Variants in WDR64 observed in about 807,000 individuals in gnomAD.
WDR64 encodes the protein WD repeat-containing protein 64.
In WDR64, 112 loss-of-function variants were observed where a neutral mutation model predicts 139.3. The ratio of observed to expected loss-of-function variants is 0.80; its 90% CI spans 0.69 to 0.94. WDR64 has a LOEUF of 0.94. Among genes scored for constraint, WDR64 ranks in the 40% least tolerant of loss-of-function variants. The pLI is 0.00. For missense variants in WDR64, 1,206 were observed against 1,293.1 expected (o/e 0.93, Z 1.03); for synonymous variants, 444 against 437.7 (o/e 1.01, Z -0.18).
intron 9 of WDR64, among the ~76,000 whole-genome samples, chr1:241,713,410 GA>G (rs1668264831): frequency 9.1e-6 from 1 of 109,840 alleles, no homozygotes; most frequent in African/African-American, 3.2e-5. Context: ...AGGGAGGGAG[GA>G]AGGGAAGGAA....
chr1:241,657,507 C>G (rs1665654608), intron 1 of WDR64, among the ~76,000 whole-genome samples: 1 of 152,154 alleles, frequency 6.6e-6, no homozygotes, highest in South Asian at 2.1e-4. Flanking sequence ...ACCTACTGAC[C>G]TTCTTGGAAC....
At chr1:241,671,704 G>T (rs958289854) in intron 3 of WDR64, among the ~76,000 whole-genome samples, 1 of 152,082 alleles carries the variant, frequency 6.6e-6, no homozygotes, top group African/African-American at 2.4e-5. Flanking sequence ...CTTTGAGCCT[G>T]GGACCCAGGA....
chr1:241,739,670 C>T (rs1191950472), intron 11 of WDR64, among the ~76,000 whole-genome samples: 1 of 152,124 alleles, frequency 6.6e-6, no homozygotes, highest in Non-Finnish European at 1.5e-5. Context: ...TCACTAAGGA[C>T]TCAAATAGTA....
Position 241,656,959 on chromosome 1 carries a change from C to T in WDR64, c.146-3571C>T, listed in dbSNP as rs927166173. Among the ~76,000 whole-genome samples, 2 of 150,796 alleles carry T rather than the reference C, an allele frequency of 1.3e-5. No individual in the cohort carries two copies. Among genetic ancestry groups the T allele is most frequent in the Non-Finnish European group, 2.9e-5 (2 of 67,828 alleles). ...TGCAAAATCTCCCCTGCATAAGAAC[C>T]ACTGCTCTAGATTCCTGCCTTTCCT... On this transcript the variant is annotated intron_variant, in intron 1 of 27. Transcript: ENST00000437684. The surrounding 1 kb of genome is among the most constrained non-coding windows in gnomAD (Gnocchi z 4.3).
At chr1:241,699,716 A>G (rs1667636061) in intron 8 of WDR64, among the ~76,000 whole-genome samples, 1 of 152,212 alleles carries the variant, frequency 6.6e-6, no homozygotes, top group Non-Finnish European at 1.5e-5. Context: ...CAGAAGTGGT[A>G]TTCACAAAGA....
intron 15 of WDR64, among the ~76,000 whole-genome samples, chr1:241,761,028 T>A (rs1239156227): frequency 6.6e-6 from 1 of 152,100 alleles, no homozygotes; most frequent in Admixed American, 6.6e-5. Context: ...ATCCTAGACA[T>A]TATCAAACTC....
intron 21 of WDR64, among the ~76,000 whole-genome samples, chr1:241,776,460 G>A (rs751093065): frequency 3.3e-5 from 5 of 152,068 alleles, no homozygotes; most frequent in Non-Finnish European, 7.4e-5. Context: ...GATAATAATT[G>A]TCTATATTTG....
chr1:241,722,710 G>A (rs1668654955), intron 9 of WDR64, among the ~76,000 whole-genome samples: 1 of 152,078 alleles, frequency 6.6e-6, no homozygotes, highest in Non-Finnish European at 1.5e-5. Flanking sequence ...TAGAGATTAT[G>A]GAGGAAAAGA....
intron 15 of WDR64, among the ~76,000 whole-genome samples, 160 bp from the exon 16 acceptor site, chr1:241,766,058 G>T (rs1658150794): frequency 6.6e-6 from 1 of 151,996 alleles, no homozygotes; most frequent in Non-Finnish European, 1.5e-5. Flanking sequence ...TTTAGTGCAA[G>T]AAAAATAAGA....
intron 21 of WDR64, among the ~76,000 whole-genome samples, chr1:241,778,412 A>G (rs1002377589): frequency 6.6e-6 from 1 of 152,142 alleles, no homozygotes; most frequent in African/African-American, 2.4e-5. Flanking sequence ...AGGTTTTTAT[A>G]CACAACATAC....
chr1:241,762,883 A>G (rs1657986012), intron 15 of WDR64, among the ~76,000 whole-genome samples: 1 of 152,202 alleles, frequency 6.6e-6, no homozygotes, highest in African/African-American at 2.4e-5. Context: ...ATTGAAACAA[A>G]TGTCAGTTTG....
intron 23 of WDR64, among the ~76,000 whole-genome samples, chr1:241,784,953 G>GGAAAAAAAAAAAAAAAAAAAAAAAAA (rs766802128): frequency 1.6e-5 from 1 of 62,250 alleles, no homozygotes; most frequent in African/African-American, 5.4e-5. Flanking sequence ...GACTCTGTCT[G>GGAAAAAAAAAAAAAAAAAAAAAAAAA]AAAAAAAAAA....
rs867483160 is a variant in WDR64 at position 241,794,595 on chromosome 1, G to C, written c.2998-612G>C. ...GTGATCTCGGCTCATTGCAACCTCC[G>C]CCTCCTAGGTTCAAGTGATTCTTCT... On this transcript the variant is annotated intron_variant, in intron 25 of 27. Coordinates refer to ENST00000437684, the MANE Select transcript of WDR64 (RefSeq NM_001367482.1). Among the ~76,000 whole-genome samples the C allele has an allele frequency of 4.3e-4, 56 of 129,840 alleles. 1 individual carries two copies. The allele number at this position is 129,840 out of a possible 152,430, so 85.2% of individuals were successfully genotyped here. A position where few individuals can be genotyped will look rare whatever the true frequency, so the allele number is the denominator to read the frequency against.
At chr1:241,780,094 G>A (rs552107851) in intron 22 of WDR64, 32 bp downstream of exon 22, 28 of 1,526,834 alleles carry the variant, frequency 1.8e-5, no homozygotes, top group African/African-American at 1.3e-4. Context: ...TTTAATTTAT[G>A]AGTCAGCATA....
intron 3 of WDR64, among the ~76,000 whole-genome samples, chr1:241,671,564 T>C (rs757752973): frequency 6.6e-6 from 1 of 152,212 alleles, no homozygotes; most frequent in Non-Finnish European, 1.5e-5. Context: ...ATGACTCTTC[T>C]ATTCACTCTC....
chr1:241,665,791 T>A (rs1344512570), intron 2 of WDR64, among the ~76,000 whole-genome samples: 23 of 152,214 alleles, frequency 1.5e-4, no homozygotes. Flanking sequence ...AGTGGGCAAC[T>A]TATAAACACA....
intron 6 of WDR64, among the ~76,000 whole-genome samples, chr1:241,681,472 T>C (rs1666789301): frequency 6.6e-6 from 1 of 152,182 alleles, no homozygotes; most frequent in Non-Finnish European, 1.5e-5. Flanking sequence ...TATGGCTAAG[T>C]AGTATTCCAT....
intron 10 of WDR64, among the ~76,000 whole-genome samples, chr1:241,726,507 C>G (rs1668846472): frequency 6.6e-6 from 1 of 152,048 alleles, no homozygotes; most frequent in Admixed American, 6.6e-5. Context: ...GTAGATTACA[C>G]TTCAATATTG....
chr1:241,773,521 G>A (rs542089908), intron 20 of WDR64, among the ~76,000 whole-genome samples: 8 of 152,320 alleles, frequency 5.3e-5, no homozygotes, highest in Non-Finnish European at 1.2e-4. Context: ...CCAGGCTGGA[G>A]TGCAGTGGCG....
Sources: allele counts gnomAD v4.1 joint callset (sites outside exome capture counted in the v4.1 genomes callset), GRCh38; gene constraint gnomAD v4.1.1; non-coding constraint Gnocchi (gnomAD v3.1); transcripts MANE v1.5; gene names NCBI Gene and HGNC (gene_info 2026-07-23, HGNC 2026-07-21).